ILDR2: variants seen among roughly 807,000 people sequenced by gnomAD.
ILDR2 encodes the protein immunoglobulin-like domain-containing receptor 2.
ILDR2 carries 25 observed loss-of-function variants against 66.8 expected under a neutral mutation model. The observed-to-expected ratio is 0.37, with a 90% CI of 0.27 to 0.52. The LOEUF (loss-of-function observed/expected upper bound fraction) is 0.52, where lower values mean the gene tolerates loss of function less well. Among genes scored for constraint, ILDR2 ranks in the 20% least tolerant of loss-of-function variants. The pLI is 0.88. For synonymous variants in ILDR2, 367 were observed against 357.2 expected, an observed-to-expected ratio of 1.03 and a Z score of -0.31; for missense variants, 827 against 876.8, an observed-to-expected ratio of 0.94 and a Z score of 0.72.
chr1:166,901,571 A>G (rs1006274981), intron 2 of ILDR2, among the ~76,000 whole-genome samples: 5 of 151,882 alleles, frequency 3.3e-5, no homozygotes, highest in Non-Finnish European at 5.9e-5. Context: ...CACTGTCCCA[A>G]TTTGTTTTTT....
At chr1:166,930,940 A>G (rs1660608867) in intron 6 of ILDR2, among the ~76,000 whole-genome samples, 2 of 152,226 alleles carry the variant, frequency 1.3e-5, no homozygotes, top group South Asian at 2.1e-4. Context: ...ACTATTGGCC[A>G]AAGTTCAGCA....
rs763715182 is a variant in ILDR2 at position 166,936,771 on chromosome 1, G to A, written c.557-34C>T. 75 of 1,611,266 alleles carry A rather than the reference G, an allele frequency of 4.7e-5. No homozygotes were observed. The highest frequency in any genetic ancestry group is 6.1e-5 in the Non-Finnish European group (72 of 1,178,152). On this transcript the variant is annotated intron_variant, in intron 4 of 9. Transcript: ENST00000271417. This position sits in a 1 kb window ranked among gnomAD's most constrained non-coding sequence, Gnocchi z 5.0. ...ATGCACAAAGAAATCCACACTCGAG[G>A]CAGCCCACCTCCAGGGCAGGGTGCA...
At chr1:166,922,441 G>GT (rs936227351) in intron 8 of ILDR2, 152 bp downstream of exon 8, 1 of 688,264 alleles carries the variant, frequency 1.5e-6, no homozygotes, top group African/African-American at 1.8e-5. Flanking sequence ...AATGTGAGAT[G>GT]TTCAATATCC....
chr1:166,902,098 G>T (rs1049475051), intron 2 of ILDR2, among the ~76,000 whole-genome samples: 1 of 152,212 alleles, frequency 6.6e-6, no homozygotes, highest in Non-Finnish European at 1.5e-5. Flanking sequence ...GACCTCAGGT[G>T]ATACACCCGC....
At chr1:166,944,948 GC>G (rs1185098622) in intron 3 of ILDR2, among the ~76,000 whole-genome samples, 3 of 152,132 alleles carry the variant, frequency 2.0e-5, no homozygotes, top group African/African-American at 7.2e-5. Context: ...ATCTCCAGAA[GC>G]CCAGCGTGAG....
At chr1:166,952,966 A>C (rs935520935) in intron 3 of ILDR2, among the ~76,000 whole-genome samples, 2 of 152,214 alleles carry the variant, frequency 1.3e-5, no homozygotes, top group African/African-American at 2.4e-5. Context: ...AGATTATTAC[A>C]GAACAATTTT....
At chr1:166,950,010 T>C (rs1661876127) in intron 3 of ILDR2, among the ~76,000 whole-genome samples, 1 of 152,246 alleles carries the variant, frequency 6.6e-6, no homozygotes. Context: ...AGGATGATTC[T>C]GCTTTCTTTG....
chr1:166,902,210 T>A (rs1290299491), intron 2 of ILDR2, among the ~76,000 whole-genome samples: 2 of 152,246 alleles, frequency 1.3e-5, no homozygotes, highest in African/African-American at 4.8e-5. Flanking sequence ...TGTGAGATCC[T>A]GGACCTCCTC....
chr1:166,897,042 T>C (rs1267933222), intron 2 of ILDR2, among the ~76,000 whole-genome samples: 1 of 152,200 alleles, frequency 6.6e-6, no homozygotes, highest in Non-Finnish European at 1.5e-5. Flanking sequence ...TTGGGAACCA[T>C]TGAGAGTTTT....
intron 2 of ILDR2, 97 bp downstream of exon 2, chr1:166,957,672 G>T (rs1662361317): frequency 9.3e-7 from 1 of 1,070,874 alleles, no homozygotes; most frequent in East Asian, 2.4e-5. Context: ...GTCTGAAAGG[G>T]TGAGAGGCTA....
intron 3 of ILDR2, among the ~76,000 whole-genome samples, chr1:166,949,724 T>C (rs1297438495): frequency 2.0e-5 from 3 of 152,234 alleles, no homozygotes; most frequent in Non-Finnish European, 4.4e-5. Context: ...AATCAGATTC[T>C]AGCTGACACT....
At chr1:166,941,617 T>A (rs1661314927) in intron 3 of ILDR2, among the ~76,000 whole-genome samples, 1 of 152,218 alleles carries the variant, frequency 6.6e-6, no homozygotes, top group South Asian at 2.1e-4. Context: ...CAATACATAC[T>A]GTTTTTTTAG....
chr1:166,935,536 C>T lies in ILDR2; in HGVS notation c.704-59G>A. Reference sequence around the variant, plus strand: ...GTCGTCCCACCCTCCACAACCCTCACACCAAAAATCCCTGAGGATGCACTT... The same window carrying T: ...GTCGTCCCACCCTCCACAACCCTCATACCAAAAATCCCTGAGGATGCACTT... On this transcript the variant is annotated intron_variant, in intron 5 of 9. Transcript: ENST00000271417. The T allele has an allele frequency of 2.1e-6, 3 of 1,454,884 alleles. No homozygotes were observed. In the South Asian group the frequency reaches 4.3e-5, roughly 21 times the overall value. 90.1% of individuals were successfully genotyped at this position (1,454,884 alleles called of 1,614,324 possible).
In ILDR2 at chr1:166,909,744, T is replaced by TATATATATATATATAAATATATATAA; in HGVS notation, c.*9585_*9610dup. The stretch of plus-strand genomic sequence containing the variant: ...GTGTGTGTGTATACATACATATATA[T>TATATATATATATATAAATATATATAA]ATATATATATATATAAATATATATA... On this transcript the variant is annotated 3_prime_UTR_variant, in exon 10 of 10. Transcript: ENST00000271417. 9.1e-6 allele frequency: 1 copy of TATATATATATATATAAATATATATAA among 110,196 alleles called. No individual in the cohort carries two copies. The highest frequency in any genetic ancestry group is 1.7e-5 in the Non-Finnish European group (1 of 59,120). 6.8% of individuals were successfully genotyped at this position (110,196 alleles called of 1,614,324 possible).
At chr1:166,904,804 T>C (rs1449738328), downstream of ILDR2, among the ~76,000 whole-genome samples, 2 of 152,080 alleles carry the variant, frequency 1.3e-5, no homozygotes, top group Admixed American at 6.5e-5. Flanking sequence ...AGAGAGTCTG[T>C]GCAACATGGG....
chr1:166,931,682 A>G (rs1024511852), intron 6 of ILDR2, among the ~76,000 whole-genome samples: 1 of 152,140 alleles, frequency 6.6e-6, no homozygotes, highest in Non-Finnish European at 1.5e-5. Flanking sequence ...AGAGATGGAG[A>G]AAAGGAAACC....
At chr1:166,938,691 G>A (rs1273608631) in intron 4 of ILDR2, among the ~76,000 whole-genome samples, 8 of 152,102 alleles carry the variant, frequency 5.3e-5, no homozygotes, top group South Asian at 2.1e-4. Context: ...CAATACCCAG[G>A]GATATTTTAT....
In ILDR2 at chr1:166,939,522, A is replaced by T. The variant is rs1661189945; in HGVS notation, c.548T>A (p.Ile183Asn). 2.5e-6 allele frequency: 4 copies of T among 1,613,720 alleles called. No homozygotes were observed. Among genetic ancestry groups the T allele is most frequent in the Non-Finnish European group, 3.4e-6 (4 of 1,179,582 alleles). Residue 183 changes from isoleucine (I) to asparagine (N), a missense_variant, in exon 4 of 10, where the codon ATT becomes AAT. Ile to Asn is a moderately radical substitution (Grantham distance 149). Transcript: ENST00000271417. Reference protein sequence around the residue: ...ADLLPSFAVEIMPEWVFVGLV... With the variant: ...ADLLPSFAVENMPEWVFVGLV... ...GTTAAATGACCGAATACCTGGCATA[A>T]TCTCCACAGCAAAACTGGGCAAGAG... is the stretch of plus-strand genomic sequence containing the variant.
chr1:166,930,410 C>G (rs1430282937), intron 6 of ILDR2, among the ~76,000 whole-genome samples: 1 of 152,160 alleles, frequency 6.6e-6, no homozygotes, highest in African/African-American at 2.4e-5. Flanking sequence ...CTAAATTCCT[C>G]TAATTTGTCA....
Sources: gnomAD v4.1 joint callset for allele counts (sites outside exome capture counted in the v4.1 genomes callset) on GRCh38, gnomAD v4.1.1 for gene constraint, Gnocchi (gnomAD v3.1) non-coding constraint, MANE v1.5 for transcripts, NCBI Gene and HGNC (gene_info 2026-07-23, HGNC 2026-07-21) for gene names.